The following TAF2 variants were observed in gnomAD, a reference collection of about 807,000 sequenced individuals.
TAF2 encodes the protein transcription initiation factor TFIID subunit 2.
TAF2 carries 61 observed loss-of-function variants against 138.5 expected under a neutral mutation model. The observed-to-expected ratio is 0.44, with a 90% CI of 0.36 to 0.54. The LOEUF (loss-of-function observed/expected upper bound fraction) is 0.54, where lower values mean the gene tolerates loss of function less well. TAF2 is among the 20% of genes least tolerant of loss of function. The pLI, the probability that TAF2 is intolerant of heterozygous loss-of-function variation, is 0.00. For synonymous variants in TAF2, 475 were observed against 469.9 expected, an observed-to-expected ratio of 1.01 and a Z score of -0.14; for missense variants, 1,090 against 1,427.9, an observed-to-expected ratio of 0.76 and a Z score of 3.81.
chr8:119,773,915 T>C (rs1405580671), intron 18 of TAF2, among the ~76,000 whole-genome samples: 1 of 151,748 alleles, frequency 6.6e-6, no homozygotes, highest in Non-Finnish European at 1.5e-5. Context: ...CTCACGCCTC[T>C]AATCCCAGCA....
At chr8:119,794,360 C>T (rs1175037652) in intron 9 of TAF2, among the ~76,000 whole-genome samples, 1 of 148,272 alleles carries the variant, frequency 6.7e-6, no homozygotes, top group African/African-American at 2.5e-5. Context: ...TGCGCCACTG[C>T]ACTACAGCCT....
chr8:119,768,614 A>T (rs1449502310), intron 18 of TAF2, among the ~76,000 whole-genome samples: 1 of 152,214 alleles, frequency 6.6e-6, no homozygotes, highest in Non-Finnish European at 1.5e-5. Context: ...CCACGTGCAG[A>T]TGAGAAATAC....
intron 25 of TAF2, among the ~76,000 whole-genome samples, chr8:119,733,259 A>C (rs890860464): frequency 6.6e-6 from 1 of 152,180 alleles, no homozygotes; most frequent in Non-Finnish European, 1.5e-5. Flanking sequence ...GCTCCTTAAG[A>C]CAATTTCTAG....
intron 17 of TAF2, among the ~76,000 whole-genome samples, chr8:119,778,620 A>G (rs967194993): frequency 1.3e-5 from 2 of 152,330 alleles, no homozygotes; most frequent in African/African-American, 2.4e-5. Flanking sequence ...ATTTTCAGCA[A>G]TAAACGATAT....
At chr8:119,830,043 C>A (rs1586562096) in intron 2 of TAF2, among the ~76,000 whole-genome samples, 1 of 151,742 alleles carries the variant, frequency 6.6e-6, no homozygotes, top group Non-Finnish European at 1.5e-5. Flanking sequence ...GGACCACAGG[C>A]ACCCACCACC....
rs1826454787 is a variant in TAF2, at chr8:119,831,665, G to C, written c.138+12C>G. On this transcript the variant is annotated intron_variant, in intron 2 of 25. Transcript: ENST00000378164. ...ACTTGTTACTATTTATAATTGTTGA[G>C]AATAAACTTACCACAACAGATTTTC... The C allele has an allele frequency of 1.9e-6, 3 of 1,597,438 alleles. No individual in the cohort carries two copies. The African/African-American group carries it at 4.0e-5, about 21-fold the overall frequency.
In TAF2 at chr8:119,742,496, TG is replaced by T. The variant is rs1259919176; in HGVS notation, c.3337+37del. 5 of 1,604,298 alleles carry T rather than the reference TG, an allele frequency of 3.1e-6. No individual in the cohort carries two copies. The African/African-American group carries it at 6.7e-5, about 22-fold the overall frequency. On this transcript the variant is annotated intron_variant, in intron 25 of 25. Coordinates refer to ENST00000378164, the MANE Select transcript of TAF2 (RefSeq NM_003184.4). ...TCTATTACATTTATAGATTTGTTCT[TG>T]AACAAAATAATATTAATTCTGATTA...
At chr8:119,779,055 C>T (rs568851730) in intron 17 of TAF2, among the ~76,000 whole-genome samples, 14 of 152,208 alleles carry the variant, frequency 9.2e-5, no homozygotes, top group South Asian at 8.3e-4. Flanking sequence ...GAGGGAAAGG[C>T]GCTTTTCCGT....
At chr8:119,792,534 C>T in intron 10 of TAF2, among the ~76,000 whole-genome samples, 1 of 152,124 alleles carries the variant, frequency 6.6e-6, no homozygotes, top group Admixed American at 6.5e-5. Context: ...TAGTACCACA[C>T]TAAATTACCC....
At position 119,778,114 on chromosome 8, in the gene TAF2, T is replaced by C. The variant is rs1192237770; in HGVS notation, c.2269A>G (p.Met757Val). 3 of 1,601,952 alleles carry C rather than the reference T, an allele frequency of 1.9e-6. No homozygotes were observed. In the South Asian group the frequency reaches 3.3e-5, roughly 18 times the overall value. ...YFLQKTMPVA[M>V]ALLRDVHNLC... ...TTATGAACATCTCTTAATAAAGCCA[T>C]TGCAACTGGCATAGTCTACAAAAGA... The change falls in exon 18 of 26, where the codon ATG becomes GTG. Residue 757 changes from methionine (M) to valine (V), a missense_variant. This residue lies in a region of TAF2 where 580 missense variants were observed against 719.6 expected (regional missense o/e 0.81). Coordinates refer to ENST00000378164, the MANE Select transcript of TAF2 (RefSeq NM_003184.4).
chr8:119,820,515 C>G (rs779454578), intron 2 of TAF2, among the ~76,000 whole-genome samples: 6 of 152,124 alleles, frequency 3.9e-5, no homozygotes, highest in Non-Finnish European at 8.8e-5. Flanking sequence ...GCTACAAATA[C>G]TACTGTACAG....
chr8:119,807,918 T>C (rs576467431), intron 3 of TAF2, among the ~76,000 whole-genome samples: 12 of 152,012 alleles, frequency 7.9e-5, no homozygotes, highest in Non-Finnish European at 1.8e-4. Flanking sequence ...TGAGACTTTT[T>C]CTCAAAAAAA....
At chr8:119,735,827 T>C (rs1430294437) in intron 25 of TAF2, among the ~76,000 whole-genome samples, 17 of 152,206 alleles carry the variant, frequency 1.1e-4, no homozygotes, top group Admixed American at 1.0e-3. Context: ...TCTATGAATA[T>C]GGGAATAGGC....
chr8:119,832,204 A>AT (rs1826502276), intron 1 of TAF2, among the ~76,000 whole-genome samples: 1 of 152,120 alleles, frequency 6.6e-6, no homozygotes, highest in Non-Finnish European at 1.5e-5. Flanking sequence ...AATTGGGATA[A>AT]TTTTTTAAAA....
chr8:119,781,444 G>A (rs1420382993), intron 16 of TAF2, among the ~76,000 whole-genome samples: 1 of 152,110 alleles, frequency 6.6e-6, no homozygotes, highest in Non-Finnish European at 1.5e-5. Context: ...TTGGGAAGCC[G>A]AGGCGGGTGA....
intron 9 of TAF2, among the ~76,000 whole-genome samples, chr8:119,793,836 C>T (rs1370914343): frequency 1.4e-5 from 2 of 143,288 alleles, no homozygotes; most frequent in African/African-American, 5.2e-5. Context: ...CATTTTAAAA[C>T]TTCTCCAGTC....
chr8:119,823,508 G>A (rs1825917420), intron 2 of TAF2, among the ~76,000 whole-genome samples: 1 of 152,188 alleles, frequency 6.6e-6, no homozygotes, highest in African/African-American at 2.4e-5. Flanking sequence ...ATCCACGTAA[G>A]ATATGACTTG....
Position 119,762,403 on chromosome 8 carries a change from A to C in TAF2, c.2558+12T>G. 6.2e-7 allele frequency: 1 copy of C among 1,612,226 alleles called. No individual in the cohort carries two copies. The highest frequency in any genetic ancestry group is 8.5e-7 in the Non-Finnish European group (1 of 1,178,656). On this transcript the variant is annotated intron_variant, in intron 19 of 25. Transcript: ENST00000378164. ...AGAACATATAACTTTAAAGTAAGGAATTTAATCATACCTGACAGTGATGGT... is the reference window on the plus strand; with the variant it reads ...AGAACATATAACTTTAAAGTAAGGACTTTAATCATACCTGACAGTGATGGT...
rs747453635 is a variant in TAF2 at position 119,742,626 on chromosome 8, C to A, written c.3245G>T (p.Arg1082Leu). 31 of 1,613,354 alleles carry A rather than the reference C, an allele frequency of 1.9e-5. No individual in the cohort carries two copies. Among genetic ancestry groups the A allele is most frequent in the Admixed American group, 3.3e-5 (2 of 59,916 alleles). ...GLSKYRPASS[R>L]SALIPQHSAG... ...TGAGTGCTGGGGTATTAAAGCAGATCGGGAGCTAGCTGGCCGATATTTCGA... is the reference window on the plus strand; with the variant it reads ...TGAGTGCTGGGGTATTAAAGCAGATAGGGAGCTAGCTGGCCGATATTTCGA... Residue 1082 changes from arginine to leucine, a missense_variant, in exon 25 of 26, where the codon CGA becomes CTA. This residue lies in a region of TAF2 where 580 missense variants were observed against 719.6 expected (regional missense o/e 0.81). Transcript: ENST00000378164.
Sources: gnomAD v4.1 joint callset for allele counts (sites outside exome capture counted in the v4.1 genomes callset) on GRCh38, gnomAD v4.1.1 for gene constraint, gnomAD v4.1.1 regional missense constraint, MANE v1.5 for transcripts, NCBI Gene and HGNC (gene_info 2026-07-23, HGNC 2026-07-21) for gene names.